The following PAPPA variants were observed in gnomAD, a reference collection of about 807,000 sequenced individuals.
PAPPA encodes pappalysin 1, also known as pappalysin-1.
In PAPPA, 60 loss-of-function variants were observed where a neutral mutation model predicts 164.0. That is an observed-to-expected ratio of 0.37 (90% CI 0.30 to 0.45). PAPPA has a LOEUF of 0.45. Among genes scored for constraint, PAPPA ranks in the 20% least tolerant of loss-of-function variants. The pLI, the probability that PAPPA is intolerant of heterozygous loss-of-function variation, is 1.00. For missense variants in PAPPA, 1,782 were observed against 2,087.3 expected, an observed-to-expected ratio of 0.85 and a Z score of 2.85; for synonymous variants, 875 against 814.1, an observed-to-expected ratio of 1.07 and a Z score of -1.27.
intron 21 of PAPPA, among the ~76,000 whole-genome samples, chr9:116,394,944 C>T (rs1846942915): frequency 6.6e-6 from 1 of 152,054 alleles, no homozygotes; most frequent in Non-Finnish European, 1.5e-5. Flanking sequence ...TGACCTGGTC[C>T]CTGCCTTATG....
intron 19 of PAPPA, 95 bp downstream of exon 19, chr9:116,367,849 T>G: frequency 1.2e-6 from 1 of 814,014 alleles, no homozygotes; most frequent in Non-Finnish European, 2.1e-6. Flanking sequence ...GTTCATTCTT[T>G]CACACATATT....
intron 10 of PAPPA, among the ~76,000 whole-genome samples, chr9:116,327,950 C>T (rs1845941527): frequency 6.6e-6 from 1 of 152,120 alleles, no homozygotes; most frequent in African/African-American, 2.4e-5. Flanking sequence ...AGGATTGCAG[C>T]CAACTTGAAA....
chr9:116,295,039 C>A (rs1228184488), intron 9 of PAPPA, among the ~76,000 whole-genome samples: 1 of 152,142 alleles, frequency 6.6e-6, no homozygotes, highest in East Asian at 1.9e-4. Context: ...AAATTAGTGA[C>A]TAAGAACTCT....
intron 21 of PAPPA, among the ~76,000 whole-genome samples, chr9:116,391,531 C>T (rs1846893503): frequency 6.6e-6 from 1 of 152,218 alleles, no homozygotes; most frequent in Non-Finnish European, 1.5e-5. Context: ...TGTCTCTCAG[C>T]TCTGGACAGG....
chr9:116,265,777 T>A, intron 7 of PAPPA, 80 bp from the exon 8 acceptor site: 1 of 1,191,256 alleles, frequency 8.4e-7, no homozygotes, highest in Non-Finnish European at 1.2e-6. Context: ...TAGAACCTAC[T>A]CCAGGGGATC....
chr9:116,272,419 A>G (rs185771491), intron 9 of PAPPA, among the ~76,000 whole-genome samples: 10 of 152,356 alleles, frequency 6.6e-5, no homozygotes, highest in Admixed American at 5.9e-4. Flanking sequence ...TAAAGAGGAA[A>G]AGATAGCATT....
chr9:116,208,884 A>G (rs140946208), intron 3 of PAPPA, among the ~76,000 whole-genome samples: 321 of 152,270 alleles, frequency 2.1e-3, no homozygotes, highest in Admixed American at 5.3e-3. Context: ...AAAGATAGAT[A>G]CAAAGATAAA....
intron 10 of PAPPA, among the ~76,000 whole-genome samples, chr9:116,303,911 A>G (rs1177508671): frequency 2.6e-5 from 4 of 152,192 alleles, no homozygotes; most frequent in African/African-American, 7.2e-5. Flanking sequence ...TTATTTCTTC[A>G]TTCACTTTTT....
At chr9:116,321,992 G>C (rs1007937742) in intron 10 of PAPPA, among the ~76,000 whole-genome samples, 1 of 152,178 alleles carries the variant, frequency 6.6e-6, no homozygotes, top group Non-Finnish European at 1.5e-5. Context: ...CTGCTAAGCC[G>C]TGGCAGGCTG....
chr9:116,335,027 C>T lies in PAPPA; in HGVS notation c.3564C>T (p.Thr1188=). ...LRSFDNFDPV[T]LSSCQRGETY... ...CCTTCGACAACTTTGACCCCGTCAC[C>T]CTGAGCAGCTGCCAGAGAGGGGAGA... Residue 1188 remains threonine (T), a synonymous_variant, in exon 13 of 22, where the codon ACC becomes ACT. Transcript: ENST00000328252. 1.2e-6 allele frequency: 2 copies of T among 1,613,854 alleles called. No individual in the cohort carries two copies. Among genetic ancestry groups the T allele is most frequent in the Non-Finnish European group, 1.7e-6 (2 of 1,179,988 alleles).
chr9:116,271,308 C>T lies in PAPPA; in HGVS notation c.2862-17C>T, dbSNP rs1845132691. ...AAGACTAAATTGGCAAATTTCTCTT[C>T]CATATCTGCTCTGCAGAGACCAAGG... On this transcript the variant is annotated splice_polypyrimidine_tract_variant and intron_variant, in intron 8 of 21. Transcript: ENST00000328252. The surrounding 1 kb of genome is among the most constrained non-coding windows in gnomAD (Gnocchi z 4.2). The T allele has an allele frequency of 3.1e-6, 5 of 1,597,634 alleles. No homozygotes were observed. Among genetic ancestry groups the T allele is most frequent in the Non-Finnish European group, 4.3e-6 (5 of 1,165,384 alleles).
At chr9:116,212,593 C>A (rs1462903160) in intron 4 of PAPPA, among the ~76,000 whole-genome samples, 1 of 152,156 alleles carries the variant, frequency 6.6e-6, no homozygotes, top group Admixed American at 6.5e-5. Context: ...TGTTACCATA[C>A]TCAACTTAGT....
chr9:116,204,463 G>A (rs1844207983), intron 2 of PAPPA, among the ~76,000 whole-genome samples: 1 of 152,124 alleles, frequency 6.6e-6, no homozygotes, highest in Non-Finnish European at 1.5e-5. Flanking sequence ...TGCCCAAGTG[G>A]GAGTACAGTG....
chr9:116,203,743 T>C (rs1034459979), intron 2 of PAPPA, among the ~76,000 whole-genome samples: 5 of 152,128 alleles, frequency 3.3e-5, no homozygotes, highest in African/African-American at 1.2e-4. Flanking sequence ...ATCCCTACTC[T>C]ACAGATGAGA....
Position 116,192,241 on chromosome 9 carries a change from T to C in PAPPA, c.1478+4025T>C, listed in dbSNP as rs558831087. On this transcript the variant is annotated intron_variant, in intron 2 of 21. Transcript: ENST00000328252. ...AGCAGGGTGGGGAGTGGACCTGCAT[T>C]AGCAAGCAGAGAATGTCCAGAGCCT... Among the ~76,000 whole-genome samples the C allele has an allele frequency of 7.2e-5, 11 of 152,100 alleles. No homozygotes were observed. In the East Asian group the frequency reaches 2.1e-3, roughly 29 times the overall value.
At chr9:116,223,043 A>G (rs1844464491) in intron 5 of PAPPA, among the ~76,000 whole-genome samples, 1 of 152,218 alleles carries the variant, frequency 6.6e-6, no homozygotes, top group African/African-American at 2.4e-5. Context: ...AAATGTGGGC[A>G]TTAATTTTTC....
chr9:116,321,608 G>A (rs1845857274), intron 10 of PAPPA, among the ~76,000 whole-genome samples: 1 of 152,142 alleles, frequency 6.6e-6, no homozygotes, highest in South Asian at 2.1e-4. Context: ...GTGGGAATGA[G>A]TCCTGGTTCT....
intron 12 of PAPPA, 23 bp from the exon 13 acceptor site, chr9:116,334,838 G>C: frequency 1.3e-6 from 2 of 1,590,662 alleles, no homozygotes; most frequent in Non-Finnish European, 1.7e-6. Context: ...CTGGCCCCTC[G>C]GCCCCTCTGT....
chr9:116,353,820 T>A, intron 17 of PAPPA, 27 bp downstream of exon 17: 1 of 1,582,428 alleles, frequency 6.3e-7, no homozygotes. Flanking sequence ...TTGAGATTGA[T>A]ACCATGGTCC....
Sources: gnomAD v4.1 joint callset for allele counts (sites outside exome capture counted in the v4.1 genomes callset) on GRCh38, gnomAD v4.1.1 for gene constraint, Gnocchi (gnomAD v3.1) non-coding constraint, MANE v1.5 for transcripts, NCBI Gene and HGNC (gene_info 2026-07-23, HGNC 2026-07-21) for gene names.